Variants in CNTNAP2 observed in about 807,000 individuals in gnomAD.
CNTNAP2 encodes the protein contactin-associated protein-like 2.
Under a neutral mutation model 155.2 loss-of-function variants are expected in CNTNAP2, and 98 were observed. The observed-to-expected ratio is 0.63, with a 90% CI of 0.54 to 0.75. CNTNAP2 has a LOEUF of 0.75. Ranked by LOEUF, CNTNAP2 falls within the 30% of genes least tolerant of loss-of-function variation. The pLI, the probability that CNTNAP2 is intolerant of heterozygous loss-of-function variation, is 0.00. For missense variants in CNTNAP2, 1,727 were observed against 1,688.1 expected (o/e 1.02, Z -0.40); for synonymous variants, 651 against 631.2 (o/e 1.03, Z -0.47).
chr7:147,241,250 G>C (rs1803930240), intron 8 of CNTNAP2, among the ~76,000 whole-genome samples: 1 of 152,122 alleles, frequency 6.6e-6, no homozygotes, highest in Non-Finnish European at 1.5e-5. Flanking sequence ...TAGAATTCTG[G>C]GTCATTCTCC....
At chr7:147,698,403 C>T (rs1412775830) in intron 13 of CNTNAP2, among the ~76,000 whole-genome samples, 1 of 152,158 alleles carries the variant, frequency 6.6e-6, no homozygotes, top group Non-Finnish European at 1.5e-5. Context: ...TATACCATTA[C>T]ATCACATATT....
chr7:148,402,027 AAGT>A (rs149502297), intron 22 of CNTNAP2, among the ~76,000 whole-genome samples: 7,157 of 152,296 alleles, frequency 0.047, 226 homozygotes, highest in African/African-American at 0.084. Flanking sequence ...GAAGTTAACT[AAGT>A]AACTGATGGA....
intron 21 of CNTNAP2, among the ~76,000 whole-genome samples, chr7:148,339,151 A>G (rs547364441): frequency 1.3e-5 from 2 of 152,250 alleles, no homozygotes; most frequent in South Asian, 4.1e-4. Context: ...CGAAGTGTAA[A>G]AAAACTTTCT....
intron 13 of CNTNAP2, among the ~76,000 whole-genome samples, chr7:147,684,542 C>A (rs989841268): frequency 3.5e-4 from 53 of 151,784 alleles, no homozygotes; most frequent in African/African-American, 1.2e-3. Flanking sequence ...ATATAGGAGA[C>A]CCTCTGTTAT....
At chr7:147,503,492 C>A (rs950442003) in intron 11 of CNTNAP2, among the ~76,000 whole-genome samples, 2 of 152,120 alleles carry the variant, frequency 1.3e-5, no homozygotes, top group Non-Finnish European at 2.9e-5. Flanking sequence ...CTGCTCCTGT[C>A]CAGCACGGAG....
At chr7:147,303,148 C>T (rs775857349) in intron 9 of CNTNAP2, among the ~76,000 whole-genome samples, 2 of 152,218 alleles carry the variant, frequency 1.3e-5, no homozygotes, top group Non-Finnish European at 2.9e-5. Context: ...CATCTTCACA[C>T]AAGGCTGGGT....
At chr7:147,698,027 A>G (rs186869832) in intron 13 of CNTNAP2, among the ~76,000 whole-genome samples, 86 of 152,136 alleles carry the variant, frequency 5.7e-4, no homozygotes, top group African/African-American at 2.0e-3. Context: ...AGGGTTTCCT[A>G]CCCTGGTACT....
At chr7:147,563,023 T>C (rs1009608600) in intron 12 of CNTNAP2, among the ~76,000 whole-genome samples, 2 of 152,214 alleles carry the variant, frequency 1.3e-5, no homozygotes, top group Non-Finnish European at 2.9e-5. Context: ...CTACTGATGG[T>C]AGTTACTGAG....
chr7:147,414,150 C>T (rs993567788), intron 10 of CNTNAP2, among the ~76,000 whole-genome samples: 3 of 152,194 alleles, frequency 2.0e-5, no homozygotes, highest in East Asian at 3.9e-4. Flanking sequence ...AAAGGCTGGG[C>T]GCAGTGGCTC....
At chr7:147,802,540 G>A (rs866879940) in intron 13 of CNTNAP2, among the ~76,000 whole-genome samples, 26 of 152,324 alleles carry the variant, frequency 1.7e-4, no homozygotes, top group South Asian at 4.1e-4. Flanking sequence ...TCGGGAGGCC[G>A]AGGCTGGCGG....
chr7:147,667,557 C>A (rs915196841), intron 13 of CNTNAP2, among the ~76,000 whole-genome samples: 7 of 152,136 alleles, frequency 4.6e-5, no homozygotes, highest in Admixed American at 2.6e-4. Context: ...AGACGCCCTT[C>A]TGAATTACTA....
At chr7:146,504,578 T>A (rs983630776) in intron 1 of CNTNAP2, among the ~76,000 whole-genome samples, 5 of 152,202 alleles carry the variant, frequency 3.3e-5, no homozygotes, top group African/African-American at 1.2e-4. Context: ...AAGTCTCAAG[T>A]GTTATGCTCT....
At chr7:147,548,799 G>T (rs1799792813) in intron 11 of CNTNAP2, among the ~76,000 whole-genome samples, 1 of 152,116 alleles carries the variant, frequency 6.6e-6, no homozygotes, top group African/African-American at 2.4e-5. Context: ...GTAAGGAAGG[G>T]GTCCAGTTTC....
chr7:146,724,002 T>C (rs1222592266), intron 1 of CNTNAP2, among the ~76,000 whole-genome samples: 4 of 152,316 alleles, frequency 2.6e-5, no homozygotes, highest in East Asian at 1.9e-4. Flanking sequence ...GACATACTTA[T>C]GCTAAAAAAG....
chr7:147,340,329 T>C (rs1261058296), intron 9 of CNTNAP2, among the ~76,000 whole-genome samples: 1 of 152,164 alleles, frequency 6.6e-6, no homozygotes, highest in Non-Finnish European at 1.5e-5. Context: ...ATGTGTCCTT[T>C]ATGTAAAATG....
intron 21 of CNTNAP2, among the ~76,000 whole-genome samples, chr7:148,330,147 A>G (rs62470601): frequency 2.9e-4 from 26 of 89,906 alleles, no homozygotes; most frequent in Non-Finnish European, 6.4e-4. Context: ...GAATGGATGG[A>G]TGGAGTGGAT....
intron 2 of CNTNAP2, among the ~76,000 whole-genome samples, chr7:146,781,153 G>A (rs571218305): frequency 1.4e-3 from 207 of 151,496 alleles, no homozygotes; most frequent in Non-Finnish European, 2.1e-3. Flanking sequence ...GCCTGAACCC[G>A]GGAGGCGGAG....
chr7:147,824,338 T>C (rs1448743015), intron 13 of CNTNAP2, among the ~76,000 whole-genome samples: 3 of 152,194 alleles, frequency 2.0e-5, no homozygotes, highest in Non-Finnish European at 4.4e-5. Flanking sequence ...AACTCTACTC[T>C]CAAGTCTGGC....
At chr7:147,971,238 C>T (rs1001390425) in intron 14 of CNTNAP2, among the ~76,000 whole-genome samples, 3 of 152,134 alleles carry the variant, frequency 2.0e-5, no homozygotes, top group African/African-American at 7.2e-5. Context: ...GACCTTATTG[C>T]CAATTGGCAT....
Sources: gnomAD v4.1 joint callset for allele counts (sites outside exome capture counted in the v4.1 genomes callset) on GRCh38, gnomAD v4.1.1 for gene constraint, MANE v1.5 for transcripts, NCBI Gene and HGNC (gene_info 2026-07-23, HGNC 2026-07-21) for gene names.